Variants in RFX4 observed in about 807,000 individuals in gnomAD.
RFX4 encodes the protein transcription factor RFX4.
RFX4 carries 10 observed loss-of-function variants against 95.0 expected under a neutral mutation model. The ratio of observed to expected loss-of-function variants is 0.11; its 90% CI spans 0.06 to 0.18. RFX4 has a LOEUF of 0.18. Among genes scored for constraint, RFX4 ranks in the 10% least tolerant of loss-of-function variants. The probability of loss-of-function intolerance (pLI) is 1.00; values close to 1 mark genes in which losing one functional copy is unlikely to be tolerated. For synonymous variants in RFX4, 321 were observed against 340.7 expected (o/e 0.94, Z 0.64); for missense variants, 640 against 922.0 (o/e 0.69, Z 3.96).
At position 106,722,454 on chromosome 12, in the gene RFX4, C is replaced by T. The variant is rs368922233; in HGVS notation, c.1351+1578C>T. Among the ~76,000 whole-genome samples, 4 of 152,118 alleles carry T rather than the reference C, an allele frequency of 2.6e-5. No homozygotes were observed. The East Asian group carries it at 7.7e-4, about 29-fold the overall frequency. ...CATCTGTGCTTACTGAGTTAACAGT[C>T]AATGTAAAAAAGAAAGCTTGAGCAG... is the stretch of plus-strand genomic sequence containing the variant. On this transcript the variant is annotated intron_variant, in intron 13 of 17. Coordinates refer to ENST00000392842, the MANE Select transcript of RFX4 (RefSeq NM_213594.3).
intron 2 of RFX4, among the ~76,000 whole-genome samples, chr12:106,626,925 C>T (rs17038584): frequency 0.034 from 5,124 of 152,206 alleles, 216 homozygotes; most frequent in African/African-American, 0.099. Flanking sequence ...ATTCCCTCCA[C>T]GAGGTATCAG....
intron 2 of RFX4, among the ~76,000 whole-genome samples, chr12:106,629,712 A>G (rs930751372): frequency 1.2e-4 from 19 of 152,028 alleles, no homozygotes; most frequent in African/African-American, 4.6e-4. Context: ...AGCTCAAGCA[A>G]TTTGCCCACC....
intron 8 of RFX4, among the ~76,000 whole-genome samples, chr12:106,698,482 T>C (rs1310503739): frequency 3.3e-5 from 5 of 152,204 alleles, no homozygotes; most frequent in African/African-American, 1.2e-4. Context: ...GGTCTCACTA[T>C]ACAGCCTAGT....
At chr12:106,623,037 C>CTTT (rs143790292) in intron 2 of RFX4, among the ~76,000 whole-genome samples, 4 of 120,362 alleles carry the variant, frequency 3.3e-5, no homozygotes, top group African/African-American at 6.5e-5. Flanking sequence ...CAGCATTAGT[C>CTTT]TTTTTTTTTT....
At chr12:106,591,936 G>C (rs556704949) in intron 1 of RFX4, among the ~76,000 whole-genome samples, 11 of 152,264 alleles carry the variant, frequency 7.2e-5, no homozygotes, top group African/African-American at 2.6e-4. Flanking sequence ...TTCAAATCCT[G>C]TATCAGTTAC....
chr12:106,662,018 T>C (rs942332952), intron 4 of RFX4, among the ~76,000 whole-genome samples: 3 of 152,216 alleles, frequency 2.0e-5, no homozygotes, highest in Admixed American at 1.3e-4. Flanking sequence ...ACAGCTGCTA[T>C]AAATATGCAT....
At chr12:106,693,184 CT>C in intron 7 of RFX4, 2 of 363,236 alleles carry the variant, frequency 5.5e-6, no homozygotes, top group Admixed American at 3.2e-5. Flanking sequence ...TCCCTCCTTC[CT>C]TTTCCTTCTC....
chr12:106,680,803 C>T lies in RFX4; in HGVS notation c.316-1190C>T, dbSNP rs76686722. ...TATTAAGTACTTACTAACTGCCAGGCACTACTGCCAGCTATTTACATACAT... is the reference window on the plus strand; with the variant it reads ...TATTAAGTACTTACTAACTGCCAGGTACTACTGCCAGCTATTTACATACAT... On this transcript the variant is annotated intron_variant, in intron 4 of 17. Coordinates refer to ENST00000392842, the MANE Select transcript of RFX4 (RefSeq NM_213594.3). 297 of 152,370 alleles carry T rather than the reference C, an allele frequency of 1.9e-3. 3 individuals are homozygous for T. The highest frequency in any genetic ancestry group is 6.8e-3 in the African/African-American group (281 of 41,588). 9.4% of individuals were successfully genotyped at this position (152,370 alleles called of 1,614,324 possible).
At chr12:106,600,749 G>A (rs76084442) in intron 1 of RFX4, among the ~76,000 whole-genome samples, 15,787 of 151,860 alleles carry the variant, frequency 0.1, 992 homozygotes, top group Middle Eastern at 0.14. Context: ...CCCACCTCCC[G>A]CTTCGTCATG....
intron 1 of RFX4, among the ~76,000 whole-genome samples, chr12:106,605,154 C>T (rs187366374): frequency 6.6e-6 from 1 of 152,252 alleles, no homozygotes; most frequent in Admixed American, 6.5e-5. Context: ...GCTCAATATA[C>T]AGTGAACTTT....
chr12:106,635,878 G>A (rs1176787218), intron 2 of RFX4, among the ~76,000 whole-genome samples: 1 of 152,132 alleles, frequency 6.6e-6, no homozygotes, highest in Non-Finnish European at 1.5e-5. Context: ...CTCATTATTT[G>A]TTTCCTTTTC....
chr12:106,674,404 C>T (rs1437811261), intron 4 of RFX4, among the ~76,000 whole-genome samples: 1 of 149,262 alleles, frequency 6.7e-6, no homozygotes, highest in African/African-American at 2.5e-5. Flanking sequence ...GATCTCGGCT[C>T]ACTGCAACCT....
chr12:106,688,518 G>T (rs2041713448), intron 6 of RFX4, among the ~76,000 whole-genome samples: 1 of 152,078 alleles, frequency 6.6e-6, no homozygotes, highest in Admixed American at 6.5e-5. Context: ...AGTCAACCAG[G>T]GAGATAGTGC....
intron 8 of RFX4, among the ~76,000 whole-genome samples, chr12:106,707,806 G>T (rs373652299): frequency 4.5e-4 from 69 of 152,234 alleles, no homozygotes; most frequent in African/African-American, 1.5e-3. Context: ...TGTTGTTGTT[G>T]TTTTTAAGGT....
At chr12:106,620,250 T>A (rs1156454589) in intron 2 of RFX4, among the ~76,000 whole-genome samples, 2 of 152,154 alleles carry the variant, frequency 1.3e-5, no homozygotes, top group African/African-American at 4.8e-5. Flanking sequence ...TCCAACAATA[T>A]TGGGGGAACG....
chr12:106,709,547 A>C (rs1490914029), intron 9 of RFX4, 117 bp downstream of exon 9: 1 of 689,918 alleles, frequency 1.4e-6, no homozygotes, highest in Admixed American at 3.0e-5. Context: ...ATAAAGCACC[A>C]GGTATTATAC....
intron 1 of RFX4, among the ~76,000 whole-genome samples, chr12:106,599,061 C>T (rs1565944598): frequency 6.6e-6 from 1 of 152,070 alleles, no homozygotes; most frequent in Non-Finnish European, 1.5e-5. Context: ...GGAGATGGCA[C>T]TGAACACCTT....
chr12:106,727,308 T>C (rs1246681162), intron 13 of RFX4, among the ~76,000 whole-genome samples: 20 of 152,204 alleles, frequency 1.3e-4, no homozygotes, highest in Admixed American at 1.3e-3. Context: ...AAAAAACCTT[T>C]TAGCAAACTA....
chr12:106,652,244 G>A (rs904011885), intron 3 of RFX4, among the ~76,000 whole-genome samples: 3 of 152,142 alleles, frequency 2.0e-5, no homozygotes, highest in African/African-American at 7.2e-5. Context: ...CTAGAACATT[G>A]CCTGGCACTT....
Sources: gnomAD v4.1 joint callset for allele counts (sites outside exome capture counted in the v4.1 genomes callset) on GRCh38, gnomAD v4.1.1 for gene constraint, MANE v1.5 for transcripts, NCBI Gene and HGNC (gene_info 2026-07-23, HGNC 2026-07-21) for gene names.